Variants in APC observed in about 807,000 individuals in gnomAD.
APC encodes the protein adenomatous polyposis coli protein.
A neutral mutation model predicts 247.0 loss-of-function variants in APC; 72 were observed. The ratio of observed to expected loss-of-function variants is 0.29; its 90% CI spans 0.24 to 0.35. The LOEUF (loss-of-function observed/expected upper bound fraction) is 0.35, where lower values mean the gene tolerates loss of function less well. Ranked by LOEUF, APC falls within the 10% of genes least tolerant of loss-of-function variation. APC has a pLI of 1.00. For synonymous variants in APC, 1,254 were observed against 1,162.5 expected (o/e 1.08, Z -1.60); for missense variants, 3,400 against 3,360.7 (o/e 1.01, Z -0.29).
rs2289485 is a variant in APC at position 112,781,032 on chromosome 5, A to C, written c.645+129A>C. 0.017 allele frequency: 12,318 copies of C among 717,314 alleles called. 614 individuals are homozygous for C. Among genetic ancestry groups the C allele is most frequent in the African/African-American group, 0.14 (7,683 of 56,692 alleles). 44.4% of individuals were successfully genotyped at this position (717,314 alleles called of 1,614,324 possible). Reference sequence around the variant, plus strand: ...TGTGTTTATTTTGGCTCTATTTCAAAATAAGATTTATCATGGCTGCTGAGC... The same window carrying C: ...TGTGTTTATTTTGGCTCTATTTCAACATAAGATTTATCATGGCTGCTGAGC... On this transcript the variant is annotated intron_variant, in intron 6 of 15. Coordinates refer to ENST00000257430, the MANE Select transcript of APC (RefSeq NM_000038.6).
Position 112,840,118 on chromosome 5 carries a change from T to A in APC, c.4524T>A (p.Ala1508=), listed in dbSNP as rs767025305. ...DGFSCSSSLS[A]LSLDEPFIQK... is the part of the protein sequence containing the mutation. Reference sequence around the variant, plus strand: ...TTTCTTGTTCATCCAGCCTGAGTGCTCTGAGCCTCGATGAGCCATTTATAC... The same window carrying A: ...TTTCTTGTTCATCCAGCCTGAGTGCACTGAGCCTCGATGAGCCATTTATAC... Residue 1508 remains alanine (A), a synonymous_variant, in exon 16 of 16, where the codon GCT becomes GCA. Coordinates refer to ENST00000257430, the MANE Select transcript of APC (RefSeq NM_000038.6). The surrounding 1 kb of genome is among the most constrained non-coding windows in gnomAD (Gnocchi z 4.1). 6.2e-7 allele frequency: 1 copy of A among 1,614,076 alleles called. No individual in the cohort carries two copies. Among genetic ancestry groups the A allele is most frequent in the South Asian group, 1.1e-5 (1 of 91,082 alleles).
In APC at chr5:112,841,865, G is replaced by C. The variant is rs745308565; in HGVS notation, c.6271G>C (p.Gly2091Arg). The C allele has an allele frequency of 3.7e-6, 6 of 1,613,764 alleles. No homozygotes were observed. Among genetic ancestry groups the C allele is most frequent in the Non-Finnish European group, 4.2e-6 (5 of 1,179,828 alleles). ...KDIQRPDSEH[G>R]LSPDSENFDW... ...TATACAGAGACCAGATTCAGAACATGGTCTATCCCCTGATTCAGAAAATTT... is the reference window on the plus strand; with the variant it reads ...TATACAGAGACCAGATTCAGAACATCGTCTATCCCCTGATTCAGAAAATTT... Residue 2091 changes from glycine to arginine, a missense_variant, in exon 16 of 16, where the codon GGT becomes CGT. By Grantham distance (125) the Gly-to-Arg change is moderately radical (BLOSUM62 -2). Coordinates refer to ENST00000257430, the MANE Select transcript of APC (RefSeq NM_000038.6). This position sits in a 1 kb window ranked among gnomAD's most constrained non-coding sequence, Gnocchi z 4.6.
At chr5:112,786,887 T>C (rs1759010323) in intron 6 of APC, among the ~76,000 whole-genome samples, 1 of 81,640 alleles carries the variant, frequency 1.2e-5, no homozygotes, top group Non-Finnish European at 2.6e-5. Flanking sequence ...TTTCTTTTTC[T>C]TTTTTTTTTT....
intron 1 of APC, among the ~76,000 whole-genome samples, chr5:112,751,524 A>G (rs927213145): frequency 6.6e-6 from 1 of 151,890 alleles, no homozygotes; most frequent in Non-Finnish European, 1.5e-5. Context: ...TTTCTCATAT[A>G]TGTTTTGGAC....
intron 1 of APC, among the ~76,000 whole-genome samples, chr5:112,711,868 CT>C (rs913354423): frequency 6.6e-6 from 1 of 152,048 alleles, no homozygotes; most frequent in African/African-American, 2.4e-5. Context: ...TGTGTTTGGG[CT>C]TTAGACTTCC....
At chr5:112,789,930 G>A (rs772787301) in intron 6 of APC, among the ~76,000 whole-genome samples, 6 of 151,026 alleles carry the variant, frequency 4.0e-5, no homozygotes, top group Non-Finnish European at 7.4e-5. Context: ...GCACGATATC[G>A]CTCACTGCAA....
In APC at chr5:112,775,278, A is replaced by G. The variant is rs111652993; in HGVS notation, c.423-351A>G. On this transcript the variant is annotated intron_variant, in intron 4 of 15. Coordinates refer to ENST00000257430, the MANE Select transcript of APC (RefSeq NM_000038.6). ...TGCTGCTTTTCTTATTTCCTTTACT[A>G]TACTTTTTATTCTTATATTAATTTT... Among the ~76,000 whole-genome samples the G allele has an allele frequency of 2.5e-3, 383 of 152,138 alleles. 5 individuals carry two copies. The highest frequency in any genetic ancestry group is 8.9e-3 in the African/African-American group (369 of 41,520).
intron 1 of APC, among the ~76,000 whole-genome samples, chr5:112,728,010 C>T (rs1452017352): frequency 6.6e-6 from 1 of 151,370 alleles, no homozygotes; most frequent in African/African-American, 2.4e-5. Context: ...TGAGCATGTC[C>T]AACCCACAGC....
intron 1 of APC, among the ~76,000 whole-genome samples, chr5:112,741,840 AT>A (rs1439917603): frequency 6.6e-6 from 1 of 151,952 alleles, no homozygotes; most frequent in Non-Finnish European, 1.5e-5. Flanking sequence ...GAATTTGACT[AT>A]TCTGGGAACC....
chr5:112,801,933 C>CT (rs969738195), intron 8 of APC, among the ~76,000 whole-genome samples: 32 of 146,396 alleles, frequency 2.2e-4, no homozygotes, highest in Admixed American at 4.1e-4. Flanking sequence ...TGAAAGTAAA[C>CT]TTTTTTTTTT....
upstream of APC, among the ~76,000 whole-genome samples, chr5:112,736,701 G>A (rs981510713): frequency 6.6e-6 from 1 of 152,182 alleles, no homozygotes; most frequent in African/African-American, 2.4e-5. Context: ...GGATCACAAG[G>A]TCAGGAGATT....
At chr5:112,815,896 G>A (rs747931852) in intron 9 of APC, among the ~76,000 whole-genome samples, 3 of 152,244 alleles carry the variant, frequency 2.0e-5, no homozygotes, top group East Asian at 3.9e-4. Context: ...AGATTACACC[G>A]CTTTCTAGTG....
chr5:112,715,818 A>G (rs1751138224), intron 1 of APC, among the ~76,000 whole-genome samples: 1 of 152,002 alleles, frequency 6.6e-6, no homozygotes, highest in Non-Finnish European at 1.5e-5. Flanking sequence ...AATTCAATGT[A>G]TTGTTTTTAA....
At chr5:112,767,840 A>C (rs1756533390) in intron 4 of APC, among the ~76,000 whole-genome samples, 1 of 151,044 alleles carries the variant, frequency 6.6e-6, no homozygotes, top group East Asian at 2.0e-4. Context: ...CATGTTGGCC[A>C]AGCTGGTTAT....
intron 6 of APC, among the ~76,000 whole-genome samples, chr5:112,785,500 A>G (rs1341518344): frequency 6.6e-6 from 1 of 152,212 alleles, no homozygotes; most frequent in East Asian, 1.9e-4. Flanking sequence ...TTTGGAACCT[A>G]GAAAAATGAT....
chr5:112,748,471 T>G (rs1043556917), intron 1 of APC, among the ~76,000 whole-genome samples: 12 of 152,182 alleles, frequency 7.9e-5, no homozygotes, highest in African/African-American at 2.9e-4. Context: ...TAAATTTTAC[T>G]GTGTGAATTA....
At chr5:112,779,042 G>A (rs1226621865) in intron 5 of APC, among the ~76,000 whole-genome samples, 1 of 152,220 alleles carries the variant, frequency 6.6e-6, no homozygotes, top group African/African-American at 2.4e-5. Context: ...GGAACTGGAA[G>A]CTTAAGTGCT....
intron 1 of APC, among the ~76,000 whole-genome samples, chr5:112,747,159 G>C (rs1753778573): frequency 6.6e-6 from 1 of 152,060 alleles, no homozygotes; most frequent in Non-Finnish European, 1.5e-5. Flanking sequence ...GGTGGTGGTG[G>C]TCATTCACAG....
Position 112,766,339 on chromosome 5 carries a change from A to G in APC, c.149A>G (p.Gln50Arg). The G allele has an allele frequency of 5.0e-6, 8 of 1,606,408 alleles. No individual in the cohort carries two copies. Among genetic ancestry groups the G allele is most frequent in the Non-Finnish European group, 6.0e-6 (7 of 1,173,164 alleles). ...TCTTTTTAACAGGAAGTACTTAAAC[A>G]ACTACAAGGAAGTATTGAAGATGAA... ...EASNMKEVLK[Q>R]LQGSIEDEAM... is the part of the protein sequence containing the mutation. Residue 50 changes from glutamine (Q) to arginine (R), a missense_variant, in exon 3 of 16, where the codon CAA (glutamine) becomes CGA (arginine). Physicochemically the swap from Gln to Arg is conservative, Grantham distance 43. Around this residue, in one of 9 missense-constraint regions of APC, gnomAD observed 372 missense variants for 367.6 expected, o/e 1.01. Coordinates refer to ENST00000257430, the MANE Select transcript of APC (RefSeq NM_000038.6).
Sources: gnomAD v4.1 joint callset for allele counts (sites outside exome capture counted in the v4.1 genomes callset) on GRCh38, gnomAD v4.1.1 for gene constraint, gnomAD v4.1.1 regional missense constraint, Gnocchi (gnomAD v3.1) non-coding constraint, MANE v1.5 for transcripts, NCBI Gene and HGNC (gene_info 2026-07-23, HGNC 2026-07-21) for gene names.